Variants in AMMECR1 observed in about 807,000 individuals in gnomAD.
AMMECR1 encodes the protein AMMECR nuclear protein 1, also known as nuclear protein AMMECR1.
A neutral mutation model predicts 22.5 loss-of-function variants in AMMECR1; 3 were observed. The observed-to-expected ratio is 0.13, with a 90% CI of 0.06 to 0.35. The LOEUF (loss-of-function observed/expected upper bound fraction) is 0.35. Among genes scored for constraint, AMMECR1 ranks in the 10% least tolerant of loss-of-function variants. The probability of loss-of-function intolerance (pLI) is 1.00; values close to 1 mark genes in which losing one functional copy is unlikely to be tolerated. For synonymous variants in AMMECR1, 130 were observed against 116.7 expected, an observed-to-expected ratio of 1.11 and a Z score of -0.74; for missense variants, 235 against 278.7, an observed-to-expected ratio of 0.84 and a Z score of 1.12.
At chrX:110,253,349 T>C (rs1217696448) in intron 2 of AMMECR1, among the ~76,000 whole-genome samples, 2 of 112,525 alleles carry the variant, frequency 1.8e-5, no homozygotes, top group Non-Finnish European at 3.8e-5. Context: ...CCAATGGGCG[T>C]TGTTTGTGCC....
At chrX:110,226,009 T>C (rs914586472) in intron 2 of AMMECR1, among the ~76,000 whole-genome samples, 4 of 111,994 alleles carry the variant, frequency 3.6e-5, no homozygotes, top group African/African-American at 1.3e-4. Flanking sequence ...ATGATATAAA[T>C]AGACTTTCTA....
rs762023059 is a variant in AMMECR1, at chrX:110,198,541, C to T, written c.981G>A (p.Pro327=). The change falls in exon 6 of 6, where the codon CCG becomes CCA. Residue 327 remains proline, a synonymous_variant. Coordinates refer to ENST00000262844, the MANE Select transcript of AMMECR1 (RefSeq NM_015365.3). ...HFQNGIGHPL[P]PYNHYS ...AGTGTCAGGAATAATGGTTGTATGG[C>T]GGAAGGGGATGCCCAATGCCATTTT... 14 of 1,188,025 alleles carry T rather than the reference C, an allele frequency of 1.2e-5. No homozygotes were observed. Among genetic ancestry groups the T allele is most frequent in the South Asian group, 3.8e-5 (2 of 53,220 alleles).
At chrX:110,344,525 A>G (rs1179622886) in intron 2 of AMMECR1, among the ~76,000 whole-genome samples, 1 of 111,638 alleles carries the variant, frequency 9.0e-6, no homozygotes, top group African/African-American at 3.3e-5. Flanking sequence ...GCTTCTGCAC[A>G]GCAAAAGAAA....
intron 2 of AMMECR1, among the ~76,000 whole-genome samples, chrX:110,386,844 C>T (rs188645439): frequency 5.9e-4 from 66 of 112,272 alleles, no homozygotes; most frequent in Non-Finnish European, 1.0e-3. Flanking sequence ...AAGACCTAAC[C>T]TCTATTCTCA....
At chrX:110,217,174 T>A (rs1374936384) in intron 2 of AMMECR1, among the ~76,000 whole-genome samples, 2 of 107,157 alleles carry the variant, frequency 1.9e-5, no homozygotes, top group African/African-American at 6.8e-5. Context: ...CAAAGGAAGA[T>A]CAAAATTTCA....
intron 2 of AMMECR1, among the ~76,000 whole-genome samples, chrX:110,253,966 C>T (rs759835687): frequency 9.0e-6 from 1 of 111,702 alleles, no homozygotes; most frequent in East Asian, 2.8e-4. Flanking sequence ...TTCCCTAAAA[C>T]TTTATTTCAA....
At position 110,318,032 on chromosome X, in the gene AMMECR1, A is replaced by T. The variant is rs1250444250; in HGVS notation, c.40T>A (p.Ser14Thr). Residue 14 changes from serine (S) to threonine (T), a missense_variant, in exon 1 of 6, where the codon TCC becomes ACC. Transcript: ENST00000262844. ...CCCGAGCCAGAGGGGGGCGAACTGG[A>T]CAGTTTCTGCTTCTTCACCCCGCAG... The part of the protein sequence containing the change: ...GCCGVKKQKL[S>T]SSPPSGSGGG... The T allele has an allele frequency of 8.3e-7, 1 of 1,203,723 alleles. No homozygotes were observed. The highest frequency in any genetic ancestry group is 1.1e-6 in the Non-Finnish European group (1 of 893,051).
At chrX:110,282,264 A>AT (rs772125250) in intron 1 of AMMECR1, among the ~76,000 whole-genome samples, 4 of 110,705 alleles carry the variant, frequency 3.6e-5, no homozygotes, top group Admixed American at 9.6e-5. Context: ...AGAACCTCAG[A>AT]TTAAAAAAAA....
chrX:110,204,083 G>A (rs2067410258), intron 3 of AMMECR1, among the ~76,000 whole-genome samples: 1 of 111,393 alleles, frequency 9.0e-6, no homozygotes, highest in Non-Finnish European at 1.9e-5. Flanking sequence ...TAGCTATCAG[G>A]CATTTCCAGG....
At chrX:110,278,832 C>T (rs2067838644) in intron 1 of AMMECR1, among the ~76,000 whole-genome samples, 1 of 112,025 alleles carries the variant, frequency 8.9e-6, no homozygotes, top group Non-Finnish European at 1.9e-5. Context: ...CAAAATTTGC[C>T]ACCTGAGCTA....
chrX:110,239,564 T>C (rs1280234512), intron 2 of AMMECR1, among the ~76,000 whole-genome samples: 1 of 111,625 alleles, frequency 9.0e-6, no homozygotes, highest in Non-Finnish European at 1.9e-5. Context: ...AGACCAAATA[T>C]TTTTTGATTT....
Position 110,198,480 on chromosome X carries a change from G to C in AMMECR1, c.*40C>G. On this transcript the variant is annotated 3_prime_UTR_variant, in exon 6 of 6. Coordinates refer to ENST00000262844, the MANE Select transcript of AMMECR1 (RefSeq NM_015365.3). Reference sequence around the variant, plus strand: ...AAGGTGTAGGGTCTCCTGGGAAGAGGTCTGCAGAGAGGCCCAGTGACTGGT... The same window carrying C: ...AAGGTGTAGGGTCTCCTGGGAAGAGCTCTGCAGAGAGGCCCAGTGACTGGT... The C allele has an allele frequency of 1.1e-6, 1 of 941,845 alleles. No individual in the cohort carries two copies. Among genetic ancestry groups the C allele is most frequent in the Non-Finnish European group, 1.5e-6 (1 of 677,949 alleles). The allele number at this position is 941,845 out of a possible 1,213,427, so 77.6% of individuals were successfully genotyped here. A position where few individuals can be genotyped will look rare whatever the true frequency, so the allele number is the denominator to read the frequency against.
At chrX:110,369,661 C>T (rs2068323932) in intron 2 of AMMECR1, among the ~76,000 whole-genome samples, 1 of 111,920 alleles carries the variant, frequency 8.9e-6, no homozygotes, top group African/African-American at 3.3e-5. Context: ...AGATCCCTTC[C>T]TGGAGGCAAA....
intron 2 of AMMECR1, among the ~76,000 whole-genome samples, chrX:110,417,149 T>C (rs2068683209): frequency 8.9e-6 from 1 of 112,010 alleles, no homozygotes; most frequent in Non-Finnish European, 1.9e-5. Flanking sequence ...CCTAGTGCCA[T>C]CTATCCTTAC....
intron 1 of AMMECR1, among the ~76,000 whole-genome samples, chrX:110,280,994 T>G (rs1375270502): frequency 8.9e-6 from 1 of 112,160 alleles, no homozygotes; most frequent in Non-Finnish European, 1.9e-5. Flanking sequence ...TTTTTATAGC[T>G]CTTGATGCAT....
At chrX:110,334,829 G>T (rs1180573788) in intron 2 of AMMECR1, among the ~76,000 whole-genome samples, 1 of 112,043 alleles carries the variant, frequency 8.9e-6, no homozygotes, top group East Asian at 2.8e-4. Flanking sequence ...ACCACACAGA[G>T]TCAGACCTTG....
At chrX:110,312,991 T>C (rs2068030849) in intron 1 of AMMECR1, among the ~76,000 whole-genome samples, 1 of 112,339 alleles carries the variant, frequency 8.9e-6, no homozygotes, top group African/African-American at 3.2e-5. Context: ...TCAGAAAACA[T>C]ATAACAGAAA....
chrX:110,267,851 A>G (rs1028825569), intron 1 of AMMECR1, among the ~76,000 whole-genome samples: 2 of 112,315 alleles, frequency 1.8e-5, no homozygotes, highest in Non-Finnish European at 3.8e-5. Context: ...ACTAAACACT[A>G]TACTATGAAA....
intron 3 of AMMECR1, among the ~76,000 whole-genome samples, chrX:110,214,198 G>A (rs2067461637): frequency 9.1e-6 from 1 of 110,374 alleles, no homozygotes; most frequent in Admixed American, 9.6e-5. Context: ...AGGAGGCGGA[G>A]CTTGCAGTGT....
Sources: allele counts gnomAD v4.1 joint callset (sites outside exome capture counted in the v4.1 genomes callset), GRCh38; gene constraint gnomAD v4.1.1; transcripts MANE v1.5; gene names NCBI Gene and HGNC (gene_info 2026-07-23, HGNC 2026-07-21).